The following NRDE2 variants were observed in gnomAD, a reference collection of about 807,000 sequenced individuals.
NRDE2 encodes NRDE-2, necessary for RNA interference, domain containing, also known as nuclear exosome regulator NRDE2.
In NRDE2, 76 loss-of-function variants were observed where a neutral mutation model predicts 124.2. The ratio of observed to expected loss-of-function variants is 0.61; its 90% CI spans 0.51 to 0.74. NRDE2 has a LOEUF of 0.74. Ranked by LOEUF, NRDE2 falls within the 30% of genes least tolerant of loss-of-function variation. The pLI is 0.00. For missense variants in NRDE2, 1,314 were observed against 1,417.3 expected, an observed-to-expected ratio of 0.93 and a Z score of 1.17; for synonymous variants, 489 against 528.1, an observed-to-expected ratio of 0.93 and a Z score of 1.01.
At chr14:90,319,519 C>T (rs1200076938) in intron 1 of NRDE2, among the ~76,000 whole-genome samples, 2 of 152,172 alleles carry the variant, frequency 1.3e-5, no homozygotes, top group African/African-American at 2.4e-5. Context: ...CACCTCACCC[C>T]TAGCCAAACA....
chr14:90,299,109 G>A (rs1884293067), intron 7 of NRDE2, among the ~76,000 whole-genome samples: 2 of 152,026 alleles, frequency 1.3e-5, no homozygotes, highest in South Asian at 4.1e-4. Flanking sequence ...GCAGTGGTGT[G>A]ATCTTGGCTC....
chr14:90,281,934 C>T (rs1891965345), intron 12 of NRDE2, among the ~76,000 whole-genome samples: 1 of 152,144 alleles, frequency 6.6e-6, no homozygotes, highest in South Asian at 2.1e-4. Context: ...AAATGATGGC[C>T]TTTCAATATA....
At chr14:90,328,713 G>T (rs1233559356) in intron 1 of NRDE2, among the ~76,000 whole-genome samples, 1 of 152,192 alleles carries the variant, frequency 6.6e-6, no homozygotes, top group African/African-American at 2.4e-5. Flanking sequence ...TTGACTAGAG[G>T]TAAATACCAG....
intron 12 of NRDE2, among the ~76,000 whole-genome samples, chr14:90,284,197 G>T (rs7147225): frequency 6.6e-6 from 1 of 152,072 alleles, no homozygotes; most frequent in East Asian, 1.9e-4. Context: ...AGGCATGAGT[G>T]GGGGCCCAAC....
At chr14:90,287,795 C>CA (rs939594367) in intron 11 of NRDE2, among the ~76,000 whole-genome samples, 1 of 152,138 alleles carries the variant, frequency 6.6e-6, no homozygotes, top group African/African-American at 2.4e-5. Flanking sequence ...TCCCATTTGA[C>CA]AGAGAGGGAG....
Position 90,278,258 on chromosome 14 carries a change from C to A in NRDE2, c.*78G>T. 1 of 1,562,494 alleles carries A rather than the reference C, an allele frequency of 6.4e-7. No homozygotes were observed. Among genetic ancestry groups the A allele is most frequent in the Non-Finnish European group, 8.8e-7 (1 of 1,137,240 alleles). ...AAAAGCCGAGTTCTCCTAACACACA[C>A]GTTCTCTGCTCGCGCCTCCTAGCTC... On this transcript the variant is annotated 3_prime_UTR_variant, in exon 14 of 14. Coordinates refer to ENST00000354366, the MANE Select transcript of NRDE2 (RefSeq NM_017970.4).
At chr14:90,324,809 C>A (rs1392483159) in intron 1 of NRDE2, among the ~76,000 whole-genome samples, 1 of 152,146 alleles carries the variant, frequency 6.6e-6, no homozygotes, top group Non-Finnish European at 1.5e-5. Flanking sequence ...TTGAACAGCA[C>A]TAACTTCATA....
intron 1 of NRDE2, among the ~76,000 whole-genome samples, chr14:90,326,442 C>A (rs1322411081): frequency 6.8e-6 from 1 of 147,662 alleles, no homozygotes; most frequent in Non-Finnish European, 1.5e-5. Context: ...TGCAGTGAGC[C>A]GAGATCGCGC....
chr14:90,283,308 G>A (rs1471081051), intron 12 of NRDE2, among the ~76,000 whole-genome samples: 1 of 152,140 alleles, frequency 6.6e-6, no homozygotes, highest in African/African-American at 2.4e-5. Context: ...AAGCCAATAA[G>A]CACTTTTTGT....
At chr14:90,313,021 A>G (rs1221977575) in intron 3 of NRDE2, among the ~76,000 whole-genome samples, 1 of 152,132 alleles carries the variant, frequency 6.6e-6, no homozygotes, top group African/African-American at 2.4e-5. Flanking sequence ...AACTTACTTG[A>G]AAGTGCCTAG....
intron 1 of NRDE2, among the ~76,000 whole-genome samples, chr14:90,327,505 C>T (rs938313045): frequency 2.0e-5 from 3 of 151,390 alleles, no homozygotes; most frequent in Non-Finnish European, 4.4e-5. Context: ...GCTGTGATTG[C>T]GCCACTACAC....
intron 12 of NRDE2, 21 bp from the exon 13 acceptor site, chr14:90,279,154 T>C (rs780558330): frequency 1.3e-6 from 2 of 1,572,956 alleles, no homozygotes; most frequent in South Asian, 1.1e-5. Flanking sequence ...GGGGAGAAAA[T>C]ACAAACATGA....
In NRDE2 at chr14:90,269,753, A is replaced by G; in HGVS notation, c.*8583T>C. 1 of 475,448 alleles carries G rather than the reference A, an allele frequency of 2.1e-6. No homozygotes were observed. The highest frequency in any genetic ancestry group is 3.6e-6 in the Non-Finnish European group (1 of 276,770). The allele number at this position is 475,448 out of a possible 1,614,324, so 29.5% of individuals were successfully genotyped here. ...TGTGCACCTTGGCCCTTTGAATTCC[A>G]GTCTTATGTCTTGTCTTTTCTTTTC... On this transcript the variant is annotated 3_prime_UTR_variant, in exon 14 of 14. Coordinates refer to ENST00000354366, the MANE Select transcript of NRDE2 (RefSeq NM_017970.4).
rs533467140 is a variant in NRDE2, at chr14:90,308,378, A to G, written c.558-3996T>C. On this transcript the variant is annotated intron_variant, in intron 4 of 13. Coordinates refer to ENST00000354366, the MANE Select transcript of NRDE2 (RefSeq NM_017970.4). ...TGCGGGATGCTCACGGGAGTAGAGG[A>G]TGTGCTACTCTATACTGAACCAAAT... 1.3e-4 allele frequency among the ~76,000 whole-genome samples: 20 copies of G among 152,304 alleles called. No homozygotes were observed. In the South Asian group the frequency reaches 3.9e-3, roughly 30 times the overall value.
intron 6 of NRDE2, chr14:90,301,795 C>T (rs1405336461): frequency 1.1e-5 from 5 of 456,082 alleles, no homozygotes; most frequent in African/African-American, 2.0e-5. Context: ...ATCCTATGTT[C>T]AGAGTCGGCT....
At chr14:90,284,109 C>A (rs1300739546) in intron 12 of NRDE2, among the ~76,000 whole-genome samples, 2 of 152,076 alleles carry the variant, frequency 1.3e-5, no homozygotes, top group African/African-American at 2.4e-5. Flanking sequence ...CAGGTCCTGC[C>A]CAGCCCCTCA....
At chr14:90,321,753 A>C (rs895232759) in intron 1 of NRDE2, among the ~76,000 whole-genome samples, 1 of 152,170 alleles carries the variant, frequency 6.6e-6, no homozygotes, top group Non-Finnish European at 1.5e-5. Context: ...TACTAGAAGT[A>C]ATAATCACTG....
Position 90,272,359 on chromosome 14 carries a change from T to C in NRDE2, c.*5977A>G. The C allele has an allele frequency of 6.3e-7, 1 of 1,599,350 alleles. No individual in the cohort carries two copies. The highest frequency in any genetic ancestry group is 8.5e-7 in the Non-Finnish European group (1 of 1,174,472). On this transcript the variant is annotated 3_prime_UTR_variant, in exon 14 of 14. Coordinates refer to ENST00000354366, the MANE Select transcript of NRDE2 (RefSeq NM_017970.4). This position sits in a 1 kb window ranked among gnomAD's most constrained non-coding sequence, Gnocchi z 4.5. The stretch of plus-strand genomic sequence containing the variant: ...AAGACTTCAAAAAATCTAAAGAAAA[T>C]GTTCTTTATAAGAAACAGGAAGGCA...
chr14:90,314,080 G>T (rs191073974), intron 3 of NRDE2, among the ~76,000 whole-genome samples: 1 of 152,168 alleles, frequency 6.6e-6, no homozygotes, highest in Non-Finnish European at 1.5e-5. Context: ...CTCTCCCCTC[G>T]GCGGTACTGA....
Sources: allele counts gnomAD v4.1 joint callset (sites outside exome capture counted in the v4.1 genomes callset), GRCh38; gene constraint gnomAD v4.1.1; non-coding constraint Gnocchi (gnomAD v3.1); transcripts MANE v1.5; gene names NCBI Gene and HGNC (gene_info 2026-07-23, HGNC 2026-07-21).